ZNF804B: variants seen among roughly 807,000 people sequenced by gnomAD.
ZNF804B encodes the protein zinc finger protein 804B, also known as zinc finger 804B.
Under a neutral mutation model 101.4 loss-of-function variants are expected in ZNF804B, and 80 were observed. That is an observed-to-expected ratio of 0.79 (90% CI 0.66 to 0.95). ZNF804B has a LOEUF of 0.95. Among genes scored for constraint, ZNF804B ranks in the 40% least tolerant of loss-of-function variants. ZNF804B has a pLI of 0.00. For synonymous variants in ZNF804B, 622 were observed against 558.8 expected (o/e 1.11, Z -1.59); for missense variants, 1,673 against 1,561.9 (o/e 1.07, Z -1.20).
chr7:89,321,868 A>T (rs1236534802), intron 2 of ZNF804B, among the ~76,000 whole-genome samples: 1 of 152,208 alleles, frequency 6.6e-6, no homozygotes, highest in Non-Finnish European at 1.5e-5. Context: ...ATGATATACC[A>T]TACCAACACT....
At chr7:88,799,792 A>G (rs1790551615) in intron 1 of ZNF804B, among the ~76,000 whole-genome samples, 1 of 152,096 alleles carries the variant, frequency 6.6e-6, no homozygotes, top group South Asian at 2.1e-4. Context: ...GGGAAAAACA[A>G]TAAATATCAT....
At chr7:88,902,836 G>C (rs1792412582) in intron 1 of ZNF804B, among the ~76,000 whole-genome samples, 1 of 152,018 alleles carries the variant, frequency 6.6e-6, no homozygotes, top group Non-Finnish European at 1.5e-5. Context: ...AACAAATGCA[G>C]TAAATTCCAA....
chr7:89,178,264 A>G (rs1376718702), intron 1 of ZNF804B, among the ~76,000 whole-genome samples: 1 of 148,314 alleles, frequency 6.7e-6, no homozygotes, highest in Non-Finnish European at 1.5e-5. Flanking sequence ...ATCCATTTAC[A>G]TTTGAGGTTA....
At chr7:89,282,478 C>T (rs985055363) in intron 2 of ZNF804B, among the ~76,000 whole-genome samples, 13 of 152,118 alleles carry the variant, frequency 8.5e-5, no homozygotes, top group Admixed American at 5.9e-4. Flanking sequence ...TTCCACTCAA[C>T]GTGAACCTCA....
chr7:88,862,179 C>G (rs1173572487), intron 1 of ZNF804B, among the ~76,000 whole-genome samples: 4 of 152,106 alleles, frequency 2.6e-5, no homozygotes, highest in Non-Finnish European at 5.9e-5. Context: ...ATTATGCAGC[C>G]CATATTTTAA....
At chr7:88,927,581 A>G (rs1792824847) in intron 1 of ZNF804B, among the ~76,000 whole-genome samples, 1 of 152,154 alleles carries the variant, frequency 6.6e-6, no homozygotes, top group African/African-American at 2.4e-5. Context: ...AAGTATTGTC[A>G]TAGGACTCAA....
chr7:89,212,411 A>G (rs768131032), intron 1 of ZNF804B, among the ~76,000 whole-genome samples: 1 of 152,140 alleles, frequency 6.6e-6, no homozygotes, highest in Non-Finnish European at 1.5e-5. Context: ...GATAAGAAAC[A>G]GAAGTTTGAT....
At chr7:88,805,295 T>C (rs1790667175) in intron 1 of ZNF804B, among the ~76,000 whole-genome samples, 1 of 152,192 alleles carries the variant, frequency 6.6e-6, no homozygotes, top group Non-Finnish European at 1.5e-5. Context: ...GCAATATTAA[T>C]CCAAGTCTAA....
At chr7:89,138,991 G>C (rs1398326472) in intron 1 of ZNF804B, among the ~76,000 whole-genome samples, 3 of 152,084 alleles carry the variant, frequency 2.0e-5, no homozygotes, top group African/African-American at 7.2e-5. Flanking sequence ...AATACTGTGT[G>C]TGTGTGTGTC....
intron 1 of ZNF804B, among the ~76,000 whole-genome samples, chr7:89,076,674 A>G (rs866771768): frequency 1.3e-5 from 2 of 152,226 alleles, no homozygotes; most frequent in South Asian, 4.1e-4. Flanking sequence ...TTTTATTCAA[A>G]GATTCTTAAG....
intron 1 of ZNF804B, among the ~76,000 whole-genome samples, chr7:89,088,568 C>T (rs915540934): frequency 1.3e-5 from 2 of 149,648 alleles, no homozygotes; most frequent in Non-Finnish European, 3.0e-5. Flanking sequence ...GCCCTAGGTC[C>T]TTGCACTTGC....
At chr7:89,226,615 A>C (rs1421981655) in intron 2 of ZNF804B, among the ~76,000 whole-genome samples, 2 of 152,062 alleles carry the variant, frequency 1.3e-5, no homozygotes, top group Non-Finnish European at 2.9e-5. Context: ...GTAACAACAT[A>C]AAATGTGGTT....
At chr7:89,288,693 A>T (rs35513232) in intron 2 of ZNF804B, among the ~76,000 whole-genome samples, 18,610 of 152,190 alleles carry the variant, frequency 0.12, 1,228 homozygotes, top group Middle Eastern at 0.28. Flanking sequence ...CAAGAAAACA[A>T]AAAAATAAGA....
chr7:88,788,448 T>C (rs1249549299), intron 1 of ZNF804B, among the ~76,000 whole-genome samples: 1 of 152,244 alleles, frequency 6.6e-6, no homozygotes, highest in East Asian at 1.9e-4. Flanking sequence ...CCACCTCTTT[T>C]CATTCAGATC....
chr7:89,152,373 T>C (rs1272820200), intron 1 of ZNF804B, among the ~76,000 whole-genome samples: 1 of 151,976 alleles, frequency 6.6e-6, no homozygotes, highest in Admixed American at 6.6e-5. Flanking sequence ...TAGGAACTAA[T>C]AGGTCTTTTT....
At chr7:89,282,004 A>G (rs1790103733) in intron 2 of ZNF804B, among the ~76,000 whole-genome samples, 1 of 151,860 alleles carries the variant, frequency 6.6e-6, no homozygotes, top group African/African-American at 2.4e-5. Context: ...GATCGAAACC[A>G]TCCCGGCTAA....
intron 1 of ZNF804B, among the ~76,000 whole-genome samples, chr7:89,045,272 C>A (rs919367630): frequency 6.6e-6 from 1 of 152,204 alleles, no homozygotes; most frequent in African/African-American, 2.4e-5. Flanking sequence ...GATGTCCAGG[C>A]AGAAGTCTGC....
intron 2 of ZNF804B, among the ~76,000 whole-genome samples, chr7:89,284,827 A>C (rs1000116960): frequency 6.8e-6 from 1 of 147,984 alleles, no homozygotes; most frequent in Admixed American, 6.7e-5. Flanking sequence ...ATTTTTGATT[A>C]AAAAAAAAAT....
chr7:89,142,405 A>T (rs771842685), intron 1 of ZNF804B, among the ~76,000 whole-genome samples: 70 of 152,018 alleles, frequency 4.6e-4, no homozygotes, highest in Non-Finnish European at 7.6e-4. Flanking sequence ...CCATCCAGAA[A>T]GTCAACAAAC....
Sources: gnomAD v4.1 joint callset for allele counts (sites outside exome capture counted in the v4.1 genomes callset) on GRCh38, gnomAD v4.1.1 for gene constraint, MANE v1.5 for transcripts, NCBI Gene and HGNC (gene_info 2026-07-23, HGNC 2026-07-21) for gene names.